Variants in SPTAN1 observed in about 807,000 individuals in gnomAD.
The protein encoded by SPTAN1 is spectrin alpha chain, non-erythrocytic 1.
A neutral mutation model predicts 331.3 loss-of-function variants in SPTAN1; 61 were observed. The observed-to-expected ratio is 0.18, with a 90% CI of 0.15 to 0.23. The LOEUF (loss-of-function observed/expected upper bound fraction) is 0.23, where lower values mean the gene tolerates loss of function less well. SPTAN1 is among the 10% of genes least tolerant of loss of function. SPTAN1 has a pLI of 1.00. For synonymous variants in SPTAN1, 1,153 were observed against 1,173.9 expected, an observed-to-expected ratio of 0.98 and a Z score of 0.36; for missense variants, 2,043 against 3,147.9, an observed-to-expected ratio of 0.65 and a Z score of 8.40.
In SPTAN1 at chr9:128,577,359, C is replaced by A. The variant is rs1851423135; in HGVS notation, c.938C>A (p.Ala313Asp). The A allele has an allele frequency of 6.2e-7, 1 of 1,614,062 alleles. No individual in the cohort carries two copies. The highest frequency in any genetic ancestry group is 8.5e-7 in the Non-Finnish European group (1 of 1,180,042). Residue 313 changes from alanine (A) to aspartate (D), a missense_variant, in exon 8 of 57, where the codon GCC (alanine) becomes GAC (aspartate). Coordinates refer to ENST00000372739, the MANE Select transcript of SPTAN1 (RefSeq NM_001130438.3). The surrounding 1 kb of genome is among the most constrained non-coding windows in gnomAD (Gnocchi z 4.2). ...DLAALEDKVK[A>D]LCAEADRLQQ... ...GACGGAGTTCATTTCTAGGTCAAAG[C>A]CCTGTGTGCTGAGGCTGACCGCCTG...
At position 128,605,395 on chromosome 9, in the gene SPTAN1, A is replaced by T; in HGVS notation, c.3964A>T (p.Ser1322Cys). ...EKCTELNQAW[S>C]SLGKRADQRK... ...GTGCACAGAGTTAAACCAGGCCTGG[A>T]GCAGCCTGGGGAAACGTGCAGATCA... The change falls in exon 31 of 57, where the codon AGC becomes TGC. Residue 1322 changes from serine (S) to cysteine (C), a missense_variant. Physicochemically the swap from Ser to Cys is moderately radical, Grantham distance 112 (BLOSUM62 -1). This residue lies in a region of SPTAN1 where 179 missense variants were observed against 215.7 expected (regional missense o/e 0.83). Transcript: ENST00000372739. 6.2e-7 allele frequency: 1 copy of T among 1,614,214 alleles called. No individual in the cohort carries two copies. Among genetic ancestry groups the T allele is most frequent in the Non-Finnish European group, 8.5e-7 (1 of 1,180,040 alleles).
chr9:128,606,047 A>G (rs1325951611), intron 31 of SPTAN1, among the ~76,000 whole-genome samples: 1 of 152,018 alleles, frequency 6.6e-6, no homozygotes, highest in Non-Finnish European at 1.5e-5. Flanking sequence ...AATGTAAAAT[A>G]GTCAAACTAC....
chr9:128,632,826 G>A lies in SPTAN1; in HGVS notation c.7179G>A (p.Leu2393=), dbSNP rs1358690762. ...CTCCTAGAGATGGCCATGTCTCCTT[G>A]CAAGAATACATGGCTTTCATGATCA... The part of the protein sequence containing the change: ...VDPNRDGHVS[L]QEYMAFMISR... The change falls in exon 56 of 57, where the codon TTG becomes TTA. Residue 2393 remains leucine, a synonymous_variant. Transcript: ENST00000372739. 6.2e-7 allele frequency: 1 copy of A among 1,614,090 alleles called. No homozygotes were observed. The highest frequency in any genetic ancestry group is 1.1e-5 in the South Asian group (1 of 91,084).
intron 21 of SPTAN1, 141 bp downstream of exon 21, chr9:128,589,084 C>T (rs988940180): frequency 2.3e-5 from 28 of 1,209,848 alleles, no homozygotes; most frequent in Admixed American, 5.9e-5. Context: ...CAATCCCCCA[C>T]GTGACATACA....
intron 1 of SPTAN1, among the ~76,000 whole-genome samples, chr9:128,557,207 G>A (rs1848732945): frequency 6.6e-6 from 1 of 152,164 alleles, no homozygotes; most frequent in Admixed American, 6.5e-5. Context: ...TATGTCTAGT[G>A]GTGTCCTGCC....
At position 128,594,317 on chromosome 9, in the gene SPTAN1, G is replaced by A. The variant is rs748698544; in HGVS notation, c.3358G>A (p.Gly1120Arg). 23 of 1,614,114 alleles carry A rather than the reference G, an allele frequency of 1.4e-5. No homozygotes were observed. Among genetic ancestry groups the A allele is most frequent in the Middle Eastern group, 3.3e-4 (2 of 6,062 alleles). Residue 1120 changes from glycine (G) to arginine (R), a missense_variant, in exon 24 of 57, where the codon GGA (glycine) becomes AGA (arginine). Physicochemically the swap from Gly to Arg is moderately radical, Grantham distance 125. This residue lies in a region of SPTAN1 where 1,038 missense variants were observed against 1,531.5 expected (regional missense o/e 0.68). Transcript: ENST00000372739. Reference protein sequence around the residue: ...KEAALTSEEVGADLEQVEVLQ... With the variant: ...KEAALTSEEVRADLEQVEVLQ... ...AGCCGCTCTGACAAGTGAGGAGGTC[G>A]GAGCAGACTTGGAGCAGGTTGAGGT...
In SPTAN1 at chr9:128,584,325, A is replaced by G; in HGVS notation, c.2237A>G (p.Asp746Gly). Residue 746 changes from aspartate (D) to glycine (G), a missense_variant, in exon 17 of 57, where the codon GAT (aspartate) becomes GGT (glycine). Transcript: ENST00000372739. Reference protein sequence around the residue: ...GITIQARQFQDAGHFDAENIK... With the variant: ...GITIQARQFQGAGHFDAENIK... ...ACCATTCAGGCCCGCCAGTTCCAAGATGCTGGCCATTTTGATGCAGAAAAC... is the reference window on the plus strand; with the variant it reads ...ACCATTCAGGCCCGCCAGTTCCAAGGTGCTGGCCATTTTGATGCAGAAAAC... 2 of 1,614,198 alleles carry G rather than the reference A, an allele frequency of 1.2e-6. No individual in the cohort carries two copies. Among genetic ancestry groups the G allele is most frequent in the Non-Finnish European group, 1.7e-6 (2 of 1,180,038 alleles).
At chr9:128,595,260 C>G (rs568178078) in intron 24 of SPTAN1, among the ~76,000 whole-genome samples, 3 of 152,094 alleles carry the variant, frequency 2.0e-5, no homozygotes, top group African/African-American at 7.2e-5. Flanking sequence ...CAGGTACGCA[C>G]GACCACATCT....
intron 12 of SPTAN1, 129 bp downstream of exon 12, chr9:128,582,021 T>A: frequency 1.3e-6 from 1 of 745,906 alleles, no homozygotes; most frequent in African/African-American, 1.7e-5. Context: ...TGCTTAAACT[T>A]TCACAAGGAT....
At chr9:128,621,697 G>A (rs150522117) in intron 45 of SPTAN1, 31 of 267,202 alleles carry the variant, frequency 1.2e-4, no homozygotes, top group African/African-American at 4.1e-4. Context: ...TCAAACAGCC[G>A]CAGACTCCCG....
In SPTAN1 at chr9:128,582,743, C is replaced by G; in HGVS notation, c.1700C>G (p.Ala567Gly). 1 of 1,614,040 alleles carries G rather than the reference C, an allele frequency of 6.2e-7. No individual in the cohort carries two copies. The highest frequency in any genetic ancestry group is 8.5e-7 in the Non-Finnish European group (1 of 1,180,034). Residue 567 changes from alanine (A) to glycine (G), a missense_variant, in exon 14 of 57, where the codon GCC becomes GGC. Ala to Gly is a moderately conservative substitution (Grantham distance 60). Coordinates refer to ENST00000372739, the MANE Select transcript of SPTAN1 (RefSeq NM_001130438.3). ...CACGAGAGAGCCATGCGTCGCCGGG[C>G]CCAGCTAGCCGATTCTTTCCATCTG... ...ALHERAMRRRAQLADSFHLQQ... is the reference protein window; with the variant it reads ...ALHERAMRRRGQLADSFHLQQ...
At chr9:128,557,710 C>T (rs1466889590) in intron 1 of SPTAN1, among the ~76,000 whole-genome samples, 2 of 151,660 alleles carry the variant, frequency 1.3e-5, no homozygotes, top group Admixed American at 6.6e-5. Context: ...TGTAGGAATC[C>T]ATTTTCAGTT....
rs1858920243 is a variant in SPTAN1, at chr9:128,627,302, C to T, written c.6577-84C>T. On this transcript the variant is annotated intron_variant, in intron 49 of 56. Coordinates refer to ENST00000372739, the MANE Select transcript of SPTAN1 (RefSeq NM_001130438.3). The surrounding 1 kb of genome is among the most constrained non-coding windows in gnomAD (Gnocchi z 4.9). ...GGGGAGGTTCCTTGTGGGGAGGCCA[C>T]CACCACCCTGAGCCCATCTGTGAAG... The T allele has an allele frequency of 7.7e-7, 1 of 1,294,710 alleles. No homozygotes were observed. The highest frequency in any genetic ancestry group is 1.5e-5 in the African/African-American group (1 of 68,032). The allele number at this position is 1,294,710 out of a possible 1,614,324, so 80.2% of individuals were successfully genotyped here.
chr9:128,607,458 G>A lies in SPTAN1; in HGVS notation c.4047-146G>A, dbSNP rs1328418327. 4 of 722,380 alleles carry A rather than the reference G, an allele frequency of 5.5e-6. No individual in the cohort carries two copies. The African/African-American group carries it at 7.1e-5, about 13-fold the overall frequency. 44.7% of individuals were successfully genotyped at this position (722,380 alleles called of 1,614,324 possible). ...ATAACAAGAAGTTTTTTAACACTTTGCCCAAAGACCTAGCCTCATTCAGTA... is the reference window on the plus strand; with the variant it reads ...ATAACAAGAAGTTTTTTAACACTTTACCCAAAGACCTAGCCTCATTCAGTA... On this transcript the variant is annotated intron_variant, in intron 31 of 56. Transcript: ENST00000372739.
At chr9:128,603,487 A>C in intron 27 of SPTAN1, 56 bp from the exon 28 acceptor site, 2 of 1,601,748 alleles carry the variant, frequency 1.2e-6, no homozygotes, top group Non-Finnish European at 1.7e-6. Context: ...TGCAGCTCAG[A>C]TCTCTAATTG....
chr9:128,578,426 C>T (rs2131034585), intron 9 of SPTAN1, among the ~76,000 whole-genome samples, 181 bp downstream of exon 9: 1 of 152,290 alleles, frequency 6.6e-6, no homozygotes, highest in African/African-American at 2.4e-5. Flanking sequence ...CTGATAGAGG[C>T]TTAACTGGGT....
intron 20 of SPTAN1, 130 bp downstream of exon 20, chr9:128,587,828 T>A: frequency 1.4e-6 from 1 of 738,422 alleles, no homozygotes; most frequent in Non-Finnish European, 2.4e-6. Flanking sequence ...ATTTACAGAG[T>A]TTAAAATAAG....
chr9:128,591,723 C>A, intron 22 of SPTAN1, 98 bp downstream of exon 22: 1 of 1,475,586 alleles, frequency 6.8e-7, no homozygotes, highest in Non-Finnish European at 9.3e-7. Flanking sequence ...GCTCCTGGAG[C>A]CCACCTGCAC....
chr9:128,607,712 A>G lies in SPTAN1; in HGVS notation c.4146+9A>G, dbSNP rs765401061. On this transcript the variant is annotated intron_variant, in intron 32 of 56. Transcript: ENST00000372739. ...TGCTGGAGCGACACCAGGTGGGTGG[A>G]CCTGCCTGCTGAGTAGCAAAGACGT... 1 of 1,613,902 alleles carries G rather than the reference A, an allele frequency of 6.2e-7. No homozygotes were observed. The highest frequency in any genetic ancestry group is 2.2e-5 in the East Asian group (1 of 44,876).
Sources: gnomAD v4.1 joint callset for allele counts (sites outside exome capture counted in the v4.1 genomes callset) on GRCh38, gnomAD v4.1.1 for gene constraint, gnomAD v4.1.1 regional missense constraint, Gnocchi (gnomAD v3.1) non-coding constraint, MANE v1.5 for transcripts, NCBI Gene and HGNC (gene_info 2026-07-23, HGNC 2026-07-21) for gene names.